Variants in KCNG3 observed in about 807,000 individuals in gnomAD.
KCNG3 encodes voltage-gated potassium channel regulatory subunit KCNG3.
KCNG3 carries 15 observed loss-of-function variants against 29.0 expected under a neutral mutation model. The observed-to-expected ratio is 0.52, with a 90% CI of 0.35 to 0.80. KCNG3 has a LOEUF of 0.80. Among genes scored for constraint, KCNG3 ranks in the 30% least tolerant of loss-of-function variants. The pLI is 0.01. For missense variants in KCNG3, 512 were observed against 605.7 expected, an observed-to-expected ratio of 0.85 and a Z score of 1.62; for synonymous variants, 322 against 248.9, an observed-to-expected ratio of 1.29 and a Z score of -2.76.
the KCNG3 span, among the ~76,000 whole-genome samples, chr2:42,425,704 T>C: frequency 6.6e-6 from 1 of 152,144 alleles, no homozygotes; most frequent in Non-Finnish European, 1.5e-5. Flanking sequence ...TGATTAATGA[T>C]ATTCTTACCA....
In KCNG3 at chr2:42,448,520, A is replaced by G. The variant is rs542460929; in HGVS notation, c.666-3941T>C. ...TTGATTTTCCACTTTCCAGAGTGGA[A>G]AGTTCAGAACTTCACTCAGGTATAT... On this transcript the variant is annotated intron_variant, in intron 1 of 1. Coordinates refer to ENST00000306078, the MANE Select transcript of KCNG3 (RefSeq NM_133329.6). Among the ~76,000 whole-genome samples the G allele has an allele frequency of 2.6e-4, 39 of 152,238 alleles. 1 individual carries two copies. The East Asian group carries it at 7.5e-3, about 29-fold the overall frequency.
At chr2:42,461,177 C>CAAAAAAAAAAAA (rs1482021088) in intron 1 of KCNG3, among the ~76,000 whole-genome samples, 1 of 19,244 alleles carries the variant, frequency 5.2e-5, no homozygotes, top group Non-Finnish European at 1.2e-4. Context: ...CAAAACAAAA[C>CAAAAAAAAAAAA]AAAACAAAAA....
At chr2:42,425,218 C>G in the KCNG3 span, 1 of 146,314 alleles carries the variant, frequency 6.8e-6, no homozygotes, top group Non-Finnish European at 1.5e-5. Flanking sequence ...GCCAGCATGG[C>G]AAAAACCCGA....
intron 1 of KCNG3, among the ~76,000 whole-genome samples, chr2:42,453,798 G>C (rs547608386): frequency 1.3e-5 from 2 of 152,180 alleles, no homozygotes; most frequent in East Asian, 3.9e-4. Context: ...GAATGTCCTG[G>C]AGATTTTCCC....
chr2:42,461,190 A>AC (rs1558379714), intron 1 of KCNG3, among the ~76,000 whole-genome samples: 129 of 147,954 alleles, frequency 8.7e-4, no homozygotes, highest in Admixed American at 1.7e-3. Context: ...AACAAAAAAA[A>AC]AAAAAAAAAA....
intron 1 of KCNG3, among the ~76,000 whole-genome samples, chr2:42,449,514 C>CTTTTTT (rs36088470): frequency 2.0e-5 from 2 of 99,460 alleles, no homozygotes; most frequent in African/African-American, 3.7e-5. Context: ...ACTGAGATTT[C>CTTTTTT]TTTTTTTTTT....
chr2:42,411,595 G>A, the KCNG3 span, among the ~76,000 whole-genome samples: 1 of 152,036 alleles, frequency 6.6e-6, no homozygotes. Flanking sequence ...CAATTCTCAT[G>A]CCTCAGCCTC....
intron 1 of KCNG3, among the ~76,000 whole-genome samples, chr2:42,477,896 T>A (rs1415811834): frequency 1.4e-5 from 2 of 147,960 alleles, no homozygotes; most frequent in Non-Finnish European, 1.5e-5. Context: ...ATATATATAT[T>A]TTTTTGAGTC....
chr2:42,394,734 T>G, the KCNG3 span, among the ~76,000 whole-genome samples: 2 of 152,224 alleles, frequency 1.3e-5, no homozygotes, highest in Admixed American at 1.3e-4. Context: ...ATATGATGAT[T>G]GATGTCTCAT....
At chr2:42,460,887 C>T (rs1239354740) in intron 1 of KCNG3, among the ~76,000 whole-genome samples, 3 of 152,062 alleles carry the variant, frequency 2.0e-5, no homozygotes, top group Non-Finnish European at 2.9e-5. Context: ...GTAGGCCAGG[C>T]GCGGTGGCTC....
At chr2:42,446,477 C>A (rs1481914698) in intron 1 of KCNG3, among the ~76,000 whole-genome samples, 4 of 152,062 alleles carry the variant, frequency 2.6e-5, no homozygotes, top group African/African-American at 9.7e-5. Context: ...CCATGCCCAG[C>A]CCAAAATTTT....
At chr2:42,466,941 T>C (rs571709922) in intron 1 of KCNG3, among the ~76,000 whole-genome samples, 57 of 151,950 alleles carry the variant, frequency 3.8e-4, no homozygotes, top group African/African-American at 1.3e-3. Flanking sequence ...TAAGTAGAGA[T>C]GGGGTTTCAC....
At chr2:42,485,384 G>C (rs1673695505) in intron 1 of KCNG3, among the ~76,000 whole-genome samples, 1 of 152,006 alleles carries the variant, frequency 6.6e-6, no homozygotes, top group African/African-American at 2.4e-5. Flanking sequence ...AAAAACAAAA[G>C]GGGACACTAC....
At chr2:42,475,331 T>C (rs1673396922) in intron 1 of KCNG3, among the ~76,000 whole-genome samples, 1 of 150,078 alleles carries the variant, frequency 6.7e-6, no homozygotes, top group Non-Finnish European at 1.5e-5. Context: ...CTCTTTTTTT[T>C]TTTTTTTTTT....
the KCNG3 span, among the ~76,000 whole-genome samples, chr2:42,409,570 G>GA: frequency 6.6e-6 from 1 of 151,568 alleles, no homozygotes; most frequent in Non-Finnish European, 1.5e-5. Flanking sequence ...CAGGCATGGT[G>GA]GTGTGCACCT....
the KCNG3 span, among the ~76,000 whole-genome samples, chr2:42,422,038 A>G: frequency 6.6e-6 from 1 of 152,212 alleles, no homozygotes; most frequent in African/African-American, 2.4e-5. Context: ...AGTAAAAGCC[A>G]GAGTTTATGA....
Position 42,447,063 on chromosome 2 carries a change from GAC to G in KCNG3, c.666-2486_666-2485del, listed in dbSNP as rs1672614445. ...CACACCACTGCACTCTCACCTGTGT[GAC>G]AGACAGCAAACCTGCCTCAAAAAAA... On this transcript the variant is annotated intron_variant, in intron 1 of 1. Coordinates refer to ENST00000306078, the MANE Select transcript of KCNG3 (RefSeq NM_133329.6). Among the ~76,000 whole-genome samples the G allele has an allele frequency of 1.5e-5, 2 of 136,746 alleles. 1 individual carries two copies. Among genetic ancestry groups the G allele is most frequent in the African/African-American group, 5.5e-5 (2 of 36,292 alleles). The allele number at this position is 136,746 out of a possible 152,430, so 89.7% of individuals were successfully genotyped here. A position where few individuals can be genotyped will look rare whatever the true frequency, so the allele number is the denominator to read the frequency against.
the KCNG3 span, among the ~76,000 whole-genome samples, chr2:42,435,508 T>C: frequency 6.6e-6 from 1 of 152,106 alleles, no homozygotes; most frequent in African/African-American, 2.4e-5. Flanking sequence ...AGAGAAAATA[T>C]TTACAAATCA....
downstream of KCNG3, among the ~76,000 whole-genome samples, chr2:42,441,803 T>TATATAAAATATATAAAA (rs1412944425): frequency 6.6e-6 from 1 of 150,812 alleles, no homozygotes; most frequent in Non-Finnish European, 1.5e-5. Context: ...GGTGTGTGTG[T>TATATAAAATATATAAAA]ATATATATAC....
Sources: allele counts gnomAD v4.1 joint callset (sites outside exome capture counted in the v4.1 genomes callset), GRCh38; gene constraint gnomAD v4.1.1; transcripts MANE v1.5; gene names NCBI Gene and HGNC (gene_info 2026-07-23, HGNC 2026-07-21).